The following TNR variants were observed in gnomAD, a reference collection of about 807,000 sequenced individuals.
The protein encoded by TNR is tenascin-R.
TNR carries 45 observed loss-of-function variants against 150.4 expected under a neutral mutation model. That is an observed-to-expected ratio of 0.30 (90% CI 0.24 to 0.38). The LOEUF is 0.38. TNR is among the 10% of genes least tolerant of loss of function. TNR has a pLI of 1.00. For missense variants in TNR, 1,544 were observed against 1,759.1 expected (o/e 0.88, Z 2.19); for synonymous variants, 687 against 678.4 (o/e 1.01, Z -0.20).
At position 175,403,483 on chromosome 1, in the gene TNR, C is replaced by T; in HGVS notation, c.633G>A (p.Arg211=). ...EPYCPLGCSS[R]GVCVDGQCIC... is the part of the protein sequence containing the mutation. ...TGCACTGGCCATCCACACACACCCC[C>T]CGGCTGGAGCAACCCAGCGGGCAGT... The change falls in exon 4 of 23, where the codon CGG becomes CGA. Residue 211 remains arginine, a synonymous_variant. Transcript: ENST00000367674. 3 of 1,614,252 alleles carry T rather than the reference C, an allele frequency of 1.9e-6. No homozygotes were observed. The highest frequency in any genetic ancestry group is 2.5e-6 in the Non-Finnish European group (3 of 1,180,056).
intron 1 of TNR, among the ~76,000 whole-genome samples, chr1:175,544,433 A>G (rs1660612165): frequency 6.6e-6 from 1 of 152,224 alleles, no homozygotes; most frequent in Non-Finnish European, 1.5e-5. Flanking sequence ...AAGCCTTCTC[A>G]GGTTTCTGAT....
chr1:175,418,263 C>T (rs1486872277), intron 2 of TNR, among the ~76,000 whole-genome samples: 1 of 152,132 alleles, frequency 6.6e-6, no homozygotes, highest in Non-Finnish European at 1.5e-5. Flanking sequence ...GCATAAATAG[C>T]AGGACATGAG....
At chr1:175,515,704 C>G (rs1659377475) in intron 2 of TNR, among the ~76,000 whole-genome samples, 1 of 152,180 alleles carries the variant, frequency 6.6e-6, no homozygotes, top group Admixed American at 6.5e-5. Context: ...GGGATGTGAA[C>G]AGCCACCAGG....
At chr1:175,561,927 C>T (rs1346163094) in intron 1 of TNR, among the ~76,000 whole-genome samples, 2 of 152,104 alleles carry the variant, frequency 1.3e-5, no homozygotes, top group South Asian at 2.1e-4. Context: ...TAGAATAGAC[C>T]AGTTCAGCTA....
At chr1:175,611,366 T>A (rs1038075951) in intron 1 of TNR, among the ~76,000 whole-genome samples, 2 of 152,138 alleles carry the variant, frequency 1.3e-5, no homozygotes, top group African/African-American at 4.8e-5. Context: ...GGGGTCTTGC[T>A]CTGTTGCCCA....
At chr1:175,668,354 G>T (rs2101901049) in intron 1 of TNR, among the ~76,000 whole-genome samples, 1 of 152,206 alleles carries the variant, frequency 6.6e-6, no homozygotes, top group Non-Finnish European at 1.5e-5. Flanking sequence ...TTGAAGAGAG[G>T]TGTCTAAGTG....
At chr1:175,596,501 G>C (rs1400364661) in intron 1 of TNR, among the ~76,000 whole-genome samples, 1 of 152,100 alleles carries the variant, frequency 6.6e-6, no homozygotes, top group East Asian at 1.9e-4. Flanking sequence ...TTCTGCAAAA[G>C]AAAAAGAACT....
chr1:175,489,670 C>A (rs1473556378), intron 2 of TNR, among the ~76,000 whole-genome samples: 1 of 152,148 alleles, frequency 6.6e-6, no homozygotes, highest in Non-Finnish European at 1.5e-5. Flanking sequence ...TGATAGCAAG[C>A]TGAATGCCCT....
intron 1 of TNR, among the ~76,000 whole-genome samples, chr1:175,729,331 A>C (rs549836847): frequency 1.3e-5 from 2 of 152,270 alleles, no homozygotes; most frequent in South Asian, 4.1e-4. Context: ...AAGAGAAGGG[A>C]TTTAATAAGC....
At chr1:175,627,707 C>A (rs1166070524) in intron 1 of TNR, among the ~76,000 whole-genome samples, 1 of 152,056 alleles carries the variant, frequency 6.6e-6, no homozygotes, top group South Asian at 2.1e-4. Flanking sequence ...CTTACCCACC[C>A]CACCCCCAAA....
chr1:175,340,364 TA>T (rs1650463320), intron 18 of TNR, among the ~76,000 whole-genome samples: 1 of 152,242 alleles, frequency 6.6e-6, no homozygotes, highest in South Asian at 2.1e-4. Context: ...GGCATTAATG[TA>T]AAGACAACAA....
At chr1:175,585,938 G>A (rs1207976321) in intron 1 of TNR, among the ~76,000 whole-genome samples, 1 of 152,190 alleles carries the variant, frequency 6.6e-6, no homozygotes, top group East Asian at 1.9e-4. Context: ...CAGCAGCTAG[G>A]ATGCCCTAAG....
intron 2 of TNR, among the ~76,000 whole-genome samples, chr1:175,421,786 T>A (rs6425347): frequency 6.6e-6 from 1 of 152,176 alleles, no homozygotes; most frequent in Non-Finnish European, 1.5e-5. Context: ...GAAGGGAACA[T>A]ACCCACCAGC....
intron 1 of TNR, among the ~76,000 whole-genome samples, chr1:175,702,951 T>C (rs549227335): frequency 2.6e-5 from 4 of 152,224 alleles, no homozygotes; most frequent in African/African-American, 7.2e-5. Context: ...TGCTCAAATA[T>C]AGTAATCCAA....
At chr1:175,368,925 G>T (rs559015750) in intron 9 of TNR, among the ~76,000 whole-genome samples, 1 of 152,150 alleles carries the variant, frequency 6.6e-6, no homozygotes, top group Non-Finnish European at 1.5e-5. Flanking sequence ...CTCCAGCCTG[G>T]GTGACAGAGT....
intron 2 of TNR, among the ~76,000 whole-genome samples, chr1:175,410,421 T>C (rs986790283): frequency 1.3e-5 from 2 of 152,146 alleles, no homozygotes; most frequent in East Asian, 3.8e-4. Flanking sequence ...ACAAGCAATA[T>C]AACGACAATG....
rs527810416 is a variant in TNR at position 175,439,624 on chromosome 1, C to A, written c.-63-32847G>T. Among the ~76,000 whole-genome samples the A allele has an allele frequency of 2.4e-4, 37 of 152,290 alleles. 1 individual carries two copies. Among genetic ancestry groups the A allele is most frequent in the African/African-American group, 8.2e-4 (34 of 41,558 alleles). ...TGGGAGAAAATTTTTGCAATCTATT[C>A]ATCTGACAAAGGACTAATATCCAGA... On this transcript the variant is annotated intron_variant, in intron 2 of 22. Transcript: ENST00000367674.
chr1:175,331,021 C>CT (rs1553203196), intron 20 of TNR, among the ~76,000 whole-genome samples: 2 of 63,204 alleles, frequency 3.2e-5, no homozygotes, highest in Admixed American at 2.0e-4. Context: ...TTCTTTCTTT[C>CT]TTTCTTTCTT....
intron 2 of TNR, among the ~76,000 whole-genome samples, chr1:175,474,416 C>A (rs1475853411): frequency 3.3e-5 from 5 of 152,160 alleles, no homozygotes; most frequent in Admixed American, 2.6e-4. Context: ...ACAAACCAAG[C>A]AGAGAGGCCT....
Sources: gnomAD v4.1 joint callset for allele counts (sites outside exome capture counted in the v4.1 genomes callset) on GRCh38, gnomAD v4.1.1 for gene constraint, MANE v1.5 for transcripts, NCBI Gene and HGNC (gene_info 2026-07-23, HGNC 2026-07-21) for gene names.